Variants in VEPH1 observed in about 807,000 individuals in gnomAD.
The protein encoded by VEPH1 is ventricular zone-expressed PH domain-containing protein homolog 1.
A neutral mutation model predicts 85.2 loss-of-function variants in VEPH1; 80 were observed. That is an observed-to-expected ratio of 0.94 (90% CI 0.78 to 1.13). VEPH1 has a LOEUF of 1.13. VEPH1 is among the 50% of genes most tolerant of loss of function. The pLI, the probability that VEPH1 is intolerant of heterozygous loss-of-function variation, is 0.00. For synonymous variants in VEPH1, 297 were observed against 348.0 expected, an observed-to-expected ratio of 0.85 and a Z score of 1.63; for missense variants, 955 against 980.5, an observed-to-expected ratio of 0.97 and a Z score of 0.35.
intron 9 of VEPH1, among the ~76,000 whole-genome samples, chr3:157,359,862 C>T (rs1326044648): frequency 1.3e-5 from 2 of 152,158 alleles, no homozygotes; most frequent in African/African-American, 2.4e-5. Flanking sequence ...GTTGTTTTGT[C>T]GTGTTCCTAG....
intron 4 of VEPH1, among the ~76,000 whole-genome samples, chr3:157,433,933 T>C (rs902431192): frequency 6.6e-6 from 1 of 152,206 alleles, no homozygotes. Flanking sequence ...TTTTTTCGCA[T>C]TTGAATGATC....
chr3:157,345,119 A>G (rs1055185044), intron 9 of VEPH1, among the ~76,000 whole-genome samples: 1 of 152,248 alleles, frequency 6.6e-6, no homozygotes, highest in African/African-American at 2.4e-5. Context: ...AGGCAGGGGC[A>G]ACGCCTTCAT....
chr3:157,398,979 T>C (rs1730626261), intron 6 of VEPH1, among the ~76,000 whole-genome samples: 1 of 152,126 alleles, frequency 6.6e-6, no homozygotes, highest in African/African-American at 2.4e-5. Context: ...TGACACCTAA[T>C]ACTGACCATC....
rs537695227 is a variant in VEPH1 at position 157,363,702 on chromosome 3, T to A, written c.1397A>T (p.Glu466Val). The change falls in exon 9 of 14, where the codon GAA (glutamate) becomes GTA (valine). Residue 466 changes from glutamate to valine, a missense_variant. Glu to Val is a moderately radical substitution (Grantham distance 121, BLOSUM62 -2). Transcript: ENST00000362010. ...TGGTATGTCTCCCCTGTTTTCATCT[T>A]CGCCGTCATCTGAACCCACACCCTT... ...LTKGVGSDDG[E>V]DENRGDIPAS... 6.2e-7 allele frequency: 1 copy of A among 1,614,144 alleles called. No homozygotes were observed.
chr3:157,398,374 G>A (rs1024610608), intron 6 of VEPH1, among the ~76,000 whole-genome samples: 16 of 152,172 alleles, frequency 1.1e-4, no homozygotes, highest in Non-Finnish European at 1.6e-4. Context: ...GGTGGCTCAA[G>A]CCTGTAATCC....
At chr3:157,349,628 A>C (rs910867368) in intron 9 of VEPH1, among the ~76,000 whole-genome samples, 5 of 152,206 alleles carry the variant, frequency 3.3e-5, no homozygotes, top group Non-Finnish European at 5.9e-5. Flanking sequence ...TATATATAGA[A>C]AAACCTAAAG....
chr3:157,361,225 CT>C (rs1286399154), intron 9 of VEPH1, among the ~76,000 whole-genome samples: 6 of 152,212 alleles, frequency 3.9e-5, no homozygotes, highest in Non-Finnish European at 8.8e-5. Context: ...TATAAGCAAT[CT>C]TTTATTGTCA....
chr3:157,472,294 T>G (rs1737038399), intron 2 of VEPH1, among the ~76,000 whole-genome samples: 2 of 152,248 alleles, frequency 1.3e-5, no homozygotes, highest in Admixed American at 6.5e-5. Context: ...AACCATTTGC[T>G]TAGCTCTTAA....
intron 7 of VEPH1, among the ~76,000 whole-genome samples, chr3:157,369,189 A>AAAAC (rs1560001147): frequency 2.8e-5 from 4 of 143,184 alleles, no homozygotes; most frequent in African/African-American, 1.0e-4. Context: ...TGAAAAAAAA[A>AAAAC]AAAAAAAAAA....
chr3:157,384,718 C>G (rs1729110166), intron 6 of VEPH1, among the ~76,000 whole-genome samples: 2 of 152,218 alleles, frequency 1.3e-5, no homozygotes, highest in Admixed American at 6.5e-5. Context: ...AACCTCACAT[C>G]ATTTGTTCTG....
intron 6 of VEPH1, among the ~76,000 whole-genome samples, chr3:157,383,246 G>GTGAA (rs1393739776): frequency 6.6e-6 from 1 of 152,186 alleles, no homozygotes; most frequent in East Asian, 1.9e-4. Context: ...GATAACAAAG[G>GTGAA]TGAATGAAAG....
intron 2 of VEPH1, among the ~76,000 whole-genome samples, chr3:157,478,717 T>A (rs1293623605): frequency 6.6e-6 from 1 of 152,238 alleles, no homozygotes; most frequent in Non-Finnish European, 1.5e-5. Flanking sequence ...CTATGATTTC[T>A]AACTAGAAAA....
intron 1 of VEPH1, chr3:157,499,376 C>G (rs989317529): frequency 7.9e-5 from 12 of 152,020 alleles, no homozygotes; most frequent in African/African-American, 2.9e-4. Flanking sequence ...ACAGCTGTCC[C>G]GCGCAAACTC....
chr3:157,287,559 A>T (rs201778881), intron 11 of VEPH1, among the ~76,000 whole-genome samples: 1 of 150,376 alleles, frequency 6.6e-6, no homozygotes, highest in Non-Finnish European at 1.5e-5. Context: ...ATTTTTTTTT[A>T]ATTTTTACTT....
Position 157,301,532 on chromosome 3 carries a change from A to T in VEPH1, c.2010+12089T>A, listed in dbSNP as rs542068803. ...CAAACTGCTTAAAACAGCTCTCTAC[A>T]TATGCTATGTTTCCTTCTTTACTCG... On this transcript the variant is annotated intron_variant, in intron 11 of 13. Coordinates refer to ENST00000362010, the MANE Select transcript of VEPH1 (RefSeq NM_001167912.2). Among the ~76,000 whole-genome samples, 3 of 152,190 alleles carry T rather than the reference A, an allele frequency of 2.0e-5. No homozygotes were observed. The South Asian group carries it at 6.2e-4, about 32-fold the overall frequency.
chr3:157,436,854 T>C (rs1255636594), intron 4 of VEPH1: 4 of 1,467,538 alleles, frequency 2.7e-6, no homozygotes, highest in South Asian at 1.2e-5. Flanking sequence ...CCTCTCACTC[T>C]CACTCTCCTC....
At chr3:157,418,616 A>G (rs372344829) in intron 5 of VEPH1, among the ~76,000 whole-genome samples, 1 of 152,226 alleles carries the variant, frequency 6.6e-6, no homozygotes, top group South Asian at 2.1e-4. Context: ...CTTGGAATAC[A>G]GCTAACAAGG....
chr3:157,341,666 T>C (rs1392066420), intron 9 of VEPH1, among the ~76,000 whole-genome samples: 1 of 152,024 alleles, frequency 6.6e-6, no homozygotes, highest in Non-Finnish European at 1.5e-5. Context: ...ATTCAGGAAA[T>C]ACAGAGAACG....
intron 3 of VEPH1, among the ~76,000 whole-genome samples, chr3:157,464,771 C>T (rs1397029243): frequency 5.3e-5 from 8 of 152,176 alleles, no homozygotes; most frequent in Admixed American, 2.6e-4. Flanking sequence ...AGATATCTAT[C>T]TGAGGTAATA....
Sources: allele counts gnomAD v4.1 joint callset (sites outside exome capture counted in the v4.1 genomes callset), GRCh38; gene constraint gnomAD v4.1.1; transcripts MANE v1.5; gene names NCBI Gene and HGNC (gene_info 2026-07-23, HGNC 2026-07-21).